RDH13: variants seen among roughly 807,000 people sequenced by gnomAD.
The protein encoded by RDH13 is retinol dehydrogenase 13.
A neutral mutation model predicts 28.3 loss-of-function variants in RDH13; 35 were observed. That is an observed-to-expected ratio of 1.24 (90% CI 0.95 to 1.64). RDH13 has a LOEUF of 1.64. Among genes scored for constraint, RDH13 ranks in the 40% most tolerant of loss-of-function variants. RDH13 has a pLI of 0.00. For missense variants in RDH13, 514 were observed against 446.3 expected (o/e 1.15, Z -1.37); for synonymous variants, 229 against 198.5 (o/e 1.15, Z -1.29).
intron 3 of RDH13, among the ~76,000 whole-genome samples, chr19:55,054,662 G>C (rs1282500109): frequency 4.6e-5 from 7 of 152,116 alleles, no homozygotes; most frequent in Non-Finnish European, 1.0e-4. Context: ...TTGAACTCTC[G>C]GGCTCAAGTG....
rs1394256275 is a variant in RDH13, at chr19:55,044,832, A to C, written c.*242T>G. ...ATTCCCAGTTTAGATTCCCAGGGGA[A>C]GCATCAGATGGCCCCTCTCCCCTGC... is the stretch of plus-strand genomic sequence containing the variant. On this transcript the variant is annotated 3_prime_UTR_variant, in exon 7 of 7. Transcript: ENST00000415061. 2.2e-6 allele frequency: 1 copy of C among 463,056 alleles called. No homozygotes were observed. Among genetic ancestry groups the C allele is most frequent in the African/African-American group, 2.0e-5 (1 of 49,962 alleles). 28.7% of individuals were successfully genotyped at this position (463,056 alleles called of 1,614,324 possible). A position where few individuals can be genotyped will look rare whatever the true frequency, so the allele number is the denominator to read the frequency against.
intron 3 of RDH13, 100 bp downstream of exon 3, chr19:55,056,553 A>T: frequency 6.9e-7 from 1 of 1,448,378 alleles, no homozygotes; most frequent in Non-Finnish European, 9.2e-7. Context: ...AGTTTGCCAA[A>T]ACTCTGCTCT....
At chr19:55,047,085 T>TG in intron 6 of RDH13, 1 of 1,275,328 alleles carries the variant, frequency 7.8e-7, no homozygotes, top group Non-Finnish European at 1.0e-6. Context: ...GCAGCTGGTT[T>TG]GGGGTGAAGC....
intron 3 of RDH13, among the ~76,000 whole-genome samples, chr19:55,056,017 G>A (rs994246649): frequency 2.0e-5 from 3 of 152,162 alleles, no homozygotes; most frequent in East Asian, 1.9e-4. Flanking sequence ...AGCCAGGCAC[G>A]GTGGCGGGTG....
rs1459268296 is a variant in RDH13 at position 55,045,112 on chromosome 19, C to G, written c.958G>C (p.Glu320Gln). Reference sequence around the variant, plus strand: ...GGCTGCTCCCTCACAGAGGGAGCCTCTAAGCCCACCAGGCGGGCACTTTCA... The same window carrying G: ...GGCTGCTCCCTCACAGAGGGAGCCTGTAAGCCCACCAGGCGGGCACTTTCA... ...WAESARLVGLEAPSVREQPLP... is the reference protein window; with the variant it reads ...WAESARLVGLQAPSVREQPLP... The change falls in exon 7 of 7, where the codon GAG becomes CAG. Residue 320 changes from glutamate to glutamine, a missense_variant. Coordinates refer to ENST00000415061, the MANE Select transcript of RDH13 (RefSeq NM_001145971.2). The G allele has an allele frequency of 6.2e-7, 1 of 1,613,042 alleles. No homozygotes were observed. The highest frequency in any genetic ancestry group is 8.5e-7 in the Non-Finnish European group (1 of 1,179,826).
chr19:55,056,904 C>T, intron 2 of RDH13, 96 bp from the exon 3 acceptor site: 4 of 1,081,770 alleles, frequency 3.7e-6, no homozygotes, highest in Non-Finnish European at 5.3e-6. Flanking sequence ...AAAAACACAT[C>T]CACCAATGTT....
At chr19:55,051,231 A>T (rs1321152219) in intron 3 of RDH13, among the ~76,000 whole-genome samples, 2 of 152,118 alleles carry the variant, frequency 1.3e-5, no homozygotes, top group Non-Finnish European at 2.9e-5. Context: ...GGAAGCTGAC[A>T]GGAGGCCCCT....
chr19:55,053,758 C>A (rs1346495890), intron 3 of RDH13: 1 of 152,140 alleles, frequency 6.6e-6, no homozygotes, highest in Non-Finnish European at 1.5e-5. Flanking sequence ...ATCACCTGCC[C>A]AGGTGTGTCC....
chr19:55,052,470 G>A (rs1339956352), intron 3 of RDH13, among the ~76,000 whole-genome samples: 1 of 150,772 alleles, frequency 6.6e-6, no homozygotes, highest in East Asian at 2.0e-4. Context: ...CTTGAACCCA[G>A]GAGGTGGAGG....
chr19:55,057,821 T>TG (rs2075688396), intron 2 of RDH13, among the ~76,000 whole-genome samples: 1 of 151,318 alleles, frequency 6.6e-6, no homozygotes, highest in Admixed American at 6.6e-5. Flanking sequence ...TTATTTTTTT[T>TG]TTTTTGAGTC....
At chr19:55,046,651 G>T (rs1454814117) in intron 6 of RDH13, 1 of 152,112 alleles carries the variant, frequency 6.6e-6, no homozygotes, top group Non-Finnish European at 1.5e-5. Context: ...CCTGGGGGTG[G>T]TGGCTCACAC....
chr19:55,047,585 G>T (rs759422264), intron 5 of RDH13, 97 bp from the exon 6 acceptor site: 4 of 1,480,722 alleles, frequency 2.7e-6, no homozygotes, highest in Non-Finnish European at 3.6e-6. Flanking sequence ...CGGGCACCAG[G>T]CTGCTTCCTG....
chr19:55,060,664 G>A (rs540385116), intron 1 of RDH13, among the ~76,000 whole-genome samples: 20 of 152,226 alleles, frequency 1.3e-4, no homozygotes, highest in Non-Finnish European at 2.8e-4. Context: ...ATACCCACAG[G>A]TGTGGAGGGG....
intron 6 of RDH13, chr19:55,046,972 C>A: frequency 4.0e-6 from 1 of 252,400 alleles, no homozygotes; most frequent in Non-Finnish European, 6.8e-6. Context: ...CAAGGAAGGT[C>A]TCGTATAACC....
chr19:55,064,756 G>A (rs1196387800), upstream of RDH13, among the ~76,000 whole-genome samples: 6 of 149,576 alleles, frequency 4.0e-5, no homozygotes, highest in East Asian at 2.0e-4. Context: ...GGGGCTACAG[G>A]CACGTGTCAC....
At chr19:55,062,747 G>C (rs1354964657) in intron 1 of RDH13, among the ~76,000 whole-genome samples, 1 of 152,238 alleles carries the variant, frequency 6.6e-6, no homozygotes, top group Non-Finnish European at 1.5e-5. Flanking sequence ...TGGAAGGAAA[G>C]CAACATTTAC....
intron 5 of RDH13, 124 bp downstream of exon 5, chr19:55,048,205 T>C (rs1451394357): frequency 6.5e-7 from 1 of 1,545,002 alleles, no homozygotes; most frequent in Admixed American, 1.9e-5. Context: ...GTGGTCCACA[T>C]GCTCTACTTT....
intron 3 of RDH13, among the ~76,000 whole-genome samples, chr19:55,054,204 TCCC>T (rs1035873083): frequency 9.2e-5 from 14 of 152,188 alleles, no homozygotes; most frequent in Admixed American, 8.5e-4. Flanking sequence ...GTCCCACAAC[TCCC>T]CCATTCCTTG....
intron 6 of RDH13, among the ~76,000 whole-genome samples, chr19:55,045,699 A>G (rs2075201678): frequency 6.6e-6 from 1 of 151,996 alleles, no homozygotes; most frequent in South Asian, 2.1e-4. Context: ...TAATCCCAGC[A>G]CTTTGGGAGG....
Sources: allele counts gnomAD v4.1 joint callset (sites outside exome capture counted in the v4.1 genomes callset), GRCh38; gene constraint gnomAD v4.1.1; transcripts MANE v1.5; gene names NCBI Gene and HGNC (gene_info 2026-07-23, HGNC 2026-07-21).